Variants in SAMD4B observed in about 807,000 individuals in gnomAD.
SAMD4B encodes the protein protein Smaug homolog 2.
In SAMD4B, 5 loss-of-function variants were observed where a neutral mutation model predicts 74.5. That is an observed-to-expected ratio of 0.07 (90% confidence interval 0.04 to 0.14). The LOEUF (loss-of-function observed/expected upper bound fraction) is 0.14, where lower values mean the gene tolerates loss of function less well. Ranked by LOEUF, SAMD4B falls within the 10% of genes least tolerant of loss-of-function variation. The pLI, the probability that SAMD4B is intolerant of heterozygous loss-of-function variation, is 1.00. For missense variants in SAMD4B, 608 were observed against 921.8 expected, an observed-to-expected ratio of 0.66 and a Z score of 4.41; for synonymous variants, 373 against 374.9, an observed-to-expected ratio of 1.00 and a Z score of 0.06.
Position 39,384,803 on chromosome 19 carries a change from AAAT to A in SAMD4B, c.*1277_*1279del, listed in dbSNP as rs1217251745. ...AGCTTTTCACACCGAAAAGGAAAAA[AAAT>A]GTTATTTTTAGATACATTTTATGAA... On this transcript the variant is annotated 3_prime_UTR_variant, in exon 14 of 14. Coordinates refer to ENST00000610417, the MANE Select transcript of SAMD4B (RefSeq NM_001384574.2). The A allele has an allele frequency of 6.6e-6, 1 of 152,654 alleles. No homozygotes were observed. Among genetic ancestry groups the A allele is most frequent in the Non-Finnish European group, 1.5e-5 (1 of 68,048 alleles). 9.5% of individuals were successfully genotyped at this position (152,654 alleles called of 1,614,324 possible). A position where few individuals can be genotyped will look rare whatever the true frequency, so the allele number is the denominator to read the frequency against.
chr19:39,365,036 G>A (rs913904420), intron 3 of SAMD4B, among the ~76,000 whole-genome samples: 8 of 148,258 alleles, frequency 5.4e-5, no homozygotes, highest in African/African-American at 7.5e-5. Flanking sequence ...TCAGGAGATC[G>A]AGACCATCCT....
intron 1 of SAMD4B, among the ~76,000 whole-genome samples, chr19:39,344,511 C>A (rs867372013): frequency 6.6e-6 from 1 of 152,160 alleles, no homozygotes; most frequent in Non-Finnish European, 1.5e-5. Context: ...CCTGAGACTT[C>A]CTCAGAACTT....
downstream of SAMD4B, chr19:39,386,154 C>G (rs749638642): frequency 2.5e-6 from 4 of 1,614,080 alleles, no homozygotes; most frequent in African/African-American, 5.3e-5. This position sits in a 1 kb window ranked among gnomAD's most constrained non-coding sequence, Gnocchi z 6.1. Flanking sequence ...ATCATTGTCA[C>G]TGCCACCTTG....
chr19:39,347,762 G>A (rs2075788332), intron 1 of SAMD4B, among the ~76,000 whole-genome samples: 1 of 152,146 alleles, frequency 6.6e-6, no homozygotes, highest in Non-Finnish European at 1.5e-5. Flanking sequence ...AATAGAAGCG[G>A]GTTCAGGGCA....
At chr19:39,370,937 C>T (rs2077259017) in intron 4 of SAMD4B, among the ~76,000 whole-genome samples, 1 of 152,190 alleles carries the variant, frequency 6.6e-6, no homozygotes, top group African/African-American at 2.4e-5. Flanking sequence ...GGAACAGACC[C>T]AACCAGTCTG....
intron 4 of SAMD4B, among the ~76,000 whole-genome samples, chr19:39,374,917 CAA>C (rs2077515532): frequency 6.6e-6 from 1 of 152,004 alleles, no homozygotes; most frequent in Non-Finnish European, 1.5e-5. Context: ...GTAAGAAAGA[CAA>C]GACAGTAATG....
chr19:39,349,342 G>T (rs894548777), intron 1 of SAMD4B, among the ~76,000 whole-genome samples: 2 of 151,992 alleles, frequency 1.3e-5, no homozygotes, highest in African/African-American at 4.8e-5. Context: ...TAAACTTTTC[G>T]GGGGGAAGGG....
chr19:39,385,935 A>G (rs768253777), downstream of SAMD4B: 3 of 1,601,406 alleles, frequency 1.9e-6, no homozygotes, highest in Non-Finnish European at 2.6e-6. Context: ...ACCACTAGAA[A>G]AGTGCTTTGC....
chr19:39,348,661 A>G (rs2075839990), intron 1 of SAMD4B, among the ~76,000 whole-genome samples: 1 of 152,218 alleles, frequency 6.6e-6, no homozygotes, highest in African/African-American at 2.4e-5. Flanking sequence ...TTTAAAAGCA[A>G]GACAGCGACA....
At position 39,385,182 on chromosome 19, in the gene SAMD4B, TTTCTGTGCCTTTGC is replaced by T. The variant is rs2078214063; in HGVS notation, c.*1657_*1670del. ...AAGTCCCCCACCCCGGCCCTCCATGTTTCTGTGCCTTTGCTCATCCCCTCAATCTCCCAGGGCTT... is the reference window on the plus strand; with the variant it reads ...AAGTCCCCCACCCCGGCCCTCCATGTTCATCCCCTCAATCTCCCAGGGCTT... On this transcript the variant is annotated 3_prime_UTR_variant, in exon 14 of 14. Transcript: ENST00000610417. The T allele has an allele frequency of 5.8e-6, 1 of 172,744 alleles. No homozygotes were observed. The highest frequency in any genetic ancestry group is 6.3e-5 in the Admixed American group (1 of 15,764). The allele number at this position is 172,744 out of a possible 1,614,324, so 10.7% of individuals were successfully genotyped here. A position where few individuals can be genotyped will look rare whatever the true frequency, so the allele number is the denominator to read the frequency against.
intron 4 of SAMD4B, among the ~76,000 whole-genome samples, chr19:39,374,965 A>G (rs2077518526): frequency 2.0e-5 from 3 of 152,210 alleles, no homozygotes; most frequent in African/African-American, 7.2e-5. Flanking sequence ...AGAGGTGGGC[A>G]GTGACTTCAG....
chr19:39,385,622 A>C lies in SAMD4B; in HGVS notation c.*2095A>C. The C allele has an allele frequency of 2.0e-6, 1 of 511,888 alleles. No individual in the cohort carries two copies. The allele number at this position is 511,888 out of a possible 1,614,324, so 31.7% of individuals were successfully genotyped here. On this transcript the variant is annotated 3_prime_UTR_variant, in exon 14 of 14. Coordinates refer to ENST00000610417, the MANE Select transcript of SAMD4B (RefSeq NM_001384574.2). ...GTACAGTTTTTCTCGCTGTTGGAGA[A>C]GACTTATTTGTTGGAGTTTCACTTG...
At chr19:39,344,964 A>C (rs1023719946) in intron 1 of SAMD4B, among the ~76,000 whole-genome samples, 2 of 151,772 alleles carry the variant, frequency 1.3e-5, no homozygotes, top group East Asian at 1.9e-4. Context: ...TCACCAAATA[A>C]TCCCTTCCCC....
Position 39,383,457 on chromosome 19 carries a change from C to T in SAMD4B, c.2057-42C>T, listed in dbSNP as rs1275573051. On this transcript the variant is annotated intron_variant, in intron 13 of 13. Transcript: ENST00000610417. This position sits in a 1 kb window ranked among gnomAD's most constrained non-coding sequence, Gnocchi z 4.1. Reference sequence around the variant, plus strand: ...TGAGTGCCTTTTCTTGGGCCTCCCTCCAGCTCCTGATCTTCCTCCCTTCCT... The same window carrying T: ...TGAGTGCCTTTTCTTGGGCCTCCCTTCAGCTCCTGATCTTCCTCCCTTCCT... 1 of 1,609,412 alleles carries T rather than the reference C, an allele frequency of 6.2e-7. No homozygotes were observed. Among genetic ancestry groups the T allele is most frequent in the East Asian group, 2.2e-5 (1 of 44,834 alleles).
At position 39,383,251 on chromosome 19, in the gene SAMD4B, G is replaced by A; in HGVS notation, c.2016G>A (p.Leu672=). The A allele has an allele frequency of 6.2e-7, 1 of 1,614,080 alleles. No individual in the cohort carries two copies. Among genetic ancestry groups the A allele is most frequent in the Non-Finnish European group, 8.5e-7 (1 of 1,180,004 alleles). The change falls in exon 13 of 14, where the codon CTG becomes CTA. Residue 672 remains leucine, a synonymous_variant. Transcript: ENST00000610417. This position sits in a 1 kb window ranked among gnomAD's most constrained non-coding sequence, Gnocchi z 4.1. Reference sequence around the variant, plus strand: ...CTGACCTGGAGATCAATCCCACTCTGGAGTCTCTGTGTCTGAGCATGACAG... The same window carrying A: ...CTGACCTGGAGATCAATCCCACTCTAGAGTCTCTGTGTCTGAGCATGACAG... The part of the protein sequence containing the change: ...PGPDLEINPT[L]ESLCLSMTEH...
chr19:39,365,340 G>A (rs943966051), intron 3 of SAMD4B, among the ~76,000 whole-genome samples: 2 of 151,698 alleles, frequency 1.3e-5, no homozygotes, highest in Non-Finnish European at 2.9e-5. Flanking sequence ...GATCACCTGA[G>A]TTTAGAAGCT....
At chr19:39,343,110 C>T (rs772580002) in intron 1 of SAMD4B, among the ~76,000 whole-genome samples, 15 of 151,858 alleles carry the variant, frequency 9.9e-5, no homozygotes, top group Admixed American at 3.9e-4. Context: ...ATAGCTGCTC[C>T]AGGAGCCTCC....
At chr19:39,377,411 ACT>A (rs1229602785) in intron 7 of SAMD4B, 72 bp from the exon 8 acceptor site, 62 of 1,319,016 alleles carry the variant, frequency 4.7e-5, no homozygotes, top group Non-Finnish European at 6.0e-5. Flanking sequence ...GCCCTGTCTG[ACT>A]CTCTGTGTAG....
At chr19:39,386,491 C>T, downstream of SAMD4B, 1 of 1,614,178 alleles carries the variant, frequency 6.2e-7, no homozygotes, top group Non-Finnish European at 8.5e-7. This position sits in a 1 kb window ranked among gnomAD's most constrained non-coding sequence, Gnocchi z 6.1. Context: ...CCTGAGCCCC[C>T]AGCTTCTTTC....
Sources: gnomAD v4.1 joint callset for allele counts (sites outside exome capture counted in the v4.1 genomes callset) on GRCh38, gnomAD v4.1.1 for gene constraint, Gnocchi (gnomAD v3.1) non-coding constraint, MANE v1.5 for transcripts, NCBI Gene and HGNC (gene_info 2026-07-23, HGNC 2026-07-21) for gene names.